Variants in DYNC1H1 observed in about 807,000 individuals in gnomAD.
The protein encoded by DYNC1H1 is dynein cytoplasmic 1 heavy chain 1.
A neutral mutation model predicts 527.1 loss-of-function variants in DYNC1H1; 51 were observed. That is an observed-to-expected ratio of 0.10 (90% confidence interval 0.08 to 0.12). The LOEUF (loss-of-function observed/expected upper bound fraction) is 0.12. Among genes scored for constraint, DYNC1H1 ranks in the 10% least tolerant of loss-of-function variants. The pLI is 1.00. For synonymous variants in DYNC1H1, 2,189 were observed against 2,278.8 expected (o/e 0.96, Z 1.12); for missense variants, 2,771 against 5,971.8 (o/e 0.46, Z 17.66).
At position 102,015,425 on chromosome 14, in the gene DYNC1H1, C is replaced by T. The variant is rs2152581681; in HGVS notation, c.7242+93C>T. On this transcript the variant is annotated intron_variant, in intron 35 of 77. Transcript: ENST00000360184. The surrounding 1 kb of genome is among the most constrained non-coding windows in gnomAD (Gnocchi z 6.9). ...GTGTTGCCCACGCTGGTCTTGAACTCCTGGGCCCAAGCAATCCACCTGCCT... is the reference window on the plus strand; with the variant it reads ...GTGTTGCCCACGCTGGTCTTGAACTTCTGGGCCCAAGCAATCCACCTGCCT... 1 of 1,416,164 alleles carries T rather than the reference C, an allele frequency of 7.1e-7. No individual in the cohort carries two copies. The highest frequency in any genetic ancestry group is 1.4e-5 in the South Asian group (1 of 72,634). 87.7% of individuals were successfully genotyped at this position (1,416,164 alleles called of 1,614,324 possible). A position where few individuals can be genotyped will look rare whatever the true frequency, so the allele number is the denominator to read the frequency against.
rs1186804390 is a variant in DYNC1H1, at chr14:102,039,450, G to A, written c.11499G>A (p.Leu3833=). Residue 3833 remains leucine, a synonymous_variant, in exon 61 of 78, where the codon CTG becomes CTA. Transcript: ENST00000360184. This position sits in a 1 kb window ranked among gnomAD's most constrained non-coding sequence, Gnocchi z 7.0. ...FLYQYSLQFF[L]DIYHNVLYEN... ...ACCAGTACTCCCTCCAGTTTTTCCT[G>A]GACATTTATCACAACGTCCTATACG... 1 of 1,614,224 alleles carries A rather than the reference G, an allele frequency of 6.2e-7. No homozygotes were observed. Among genetic ancestry groups the A allele is most frequent in the Non-Finnish European group, 8.5e-7 (1 of 1,180,050 alleles).
chr14:102,012,318 A>G lies in DYNC1H1; in HGVS notation c.6862A>G (p.Ile2288Val), dbSNP rs1567010983. The change falls in exon 34 of 78, where the codon ATC becomes GTC. Residue 2288 changes from isoleucine (I) to valine (V), a missense_variant. Ile to Val is a conservative substitution (Grantham distance 29). Around this residue, in one of 32 missense-constraint regions of DYNC1H1, gnomAD observed 56 missense variants for 183.8 expected, o/e 0.30. Transcript: ENST00000360184. The surrounding 1 kb of genome is among the most constrained non-coding windows in gnomAD (Gnocchi z 4.9). ...TTTAAAATCCTTCCCAACCAGGATC[A>G]TCGACAGCGTGAGAGGCGAGCTGCA... is the stretch of plus-strand genomic sequence containing the variant. ...GLFTHVLRKI[I>V]DSVRGELQKR... 1.2e-6 allele frequency: 2 copies of G among 1,614,232 alleles called. No homozygotes were observed. The highest frequency in any genetic ancestry group is 2.2e-5 in the South Asian group (2 of 91,084).
intron 34 of DYNC1H1, among the ~76,000 whole-genome samples, chr14:102,013,377 G>C (rs566654730): frequency 1.3e-5 from 2 of 152,228 alleles, no homozygotes; most frequent in African/African-American, 4.8e-5. Context: ...TCAGGTGTTG[G>C]TGGGGGTTGG....
rs561339487 is a variant in DYNC1H1 at position 102,012,360 on chromosome 14, G to A, written c.6904G>A (p.Val2302Ile). The stretch of plus-strand genomic sequence containing the variant: ...CGAGCTGCAGAAGCGCCAGTGGATC[G>A]TCTTCGATGGCGATGTGGATCCAGA... ...RGELQKRQWI[V>I]FDGDVDPEWV... The change falls in exon 34 of 78, where the codon GTC becomes ATC. Residue 2302 changes from valine to isoleucine, a missense_variant. Around this residue, in one of 32 missense-constraint regions of DYNC1H1, gnomAD observed 56 missense variants for 183.8 expected, o/e 0.30. Transcript: ENST00000360184. The surrounding 1 kb of genome is among the most constrained non-coding windows in gnomAD (Gnocchi z 4.9). 385 of 1,614,216 alleles carry A rather than the reference G, an allele frequency of 2.4e-4. 4 individuals carry two copies. In the South Asian group the frequency reaches 3.8e-3, roughly 16 times the overall value.
chr14:101,984,621 T>G (rs532897140), intron 7 of DYNC1H1, among the ~76,000 whole-genome samples: 1 of 150,832 alleles, frequency 6.6e-6, no homozygotes, highest in South Asian at 2.1e-4. Flanking sequence ...CAGCTAATTT[T>G]TGTATTTTTA....
chr14:101,999,839 A>C (rs934583668), intron 16 of DYNC1H1, 150 bp from the exon 17 acceptor site: 102 of 1,059,290 alleles, frequency 9.6e-5, no homozygotes, highest in Non-Finnish European at 1.3e-4. Context: ...TCCAAAGTGG[A>C]CATCTTGTTG....
chr14:102,039,311 C>A lies in DYNC1H1; in HGVS notation c.11460+57C>A. 6.2e-7 allele frequency: 1 copy of A among 1,611,606 alleles called. No individual in the cohort carries two copies. Among genetic ancestry groups the A allele is most frequent in the Non-Finnish European group, 8.5e-7 (1 of 1,179,926 alleles). ...GCCCCGCACAGTAGCTCCTTGGCCG[C>A]ACAGAGGCTGGCGGGCCCTGCACAG... is the stretch of plus-strand genomic sequence containing the variant. On this transcript the variant is annotated intron_variant, in intron 60 of 77. Coordinates refer to ENST00000360184, the MANE Select transcript of DYNC1H1 (RefSeq NM_001376.5). The surrounding 1 kb of genome is among the most constrained non-coding windows in gnomAD (Gnocchi z 7.0).
In DYNC1H1 at chr14:102,002,773, GT is replaced by G; in HGVS notation, c.4710-15del. The G allele has an allele frequency of 6.2e-7, 1 of 1,614,268 alleles. No individual in the cohort carries two copies. The highest frequency in any genetic ancestry group is 8.5e-7 in the Non-Finnish European group (1 of 1,180,046). On this transcript the variant is annotated intron_variant, in intron 22 of 77. Coordinates refer to ENST00000360184, the MANE Select transcript of DYNC1H1 (RefSeq NM_001376.5). This position sits in a 1 kb window ranked among gnomAD's most constrained non-coding sequence, Gnocchi z 4.4. ...CTACTCTACACAAAGGCTGACGCAT[GT>G]TTTAATTTCATTTGTAGCATCAGCA...
Position 102,000,137 on chromosome 14 carries a change from G to C in DYNC1H1, c.3953G>C (p.Arg1318Pro). ...GGGCTTCTCAGTGGCAGTGAAGAGC[G>C]CGTGCAGGTATGAACCACTGGGGAG... is the stretch of plus-strand genomic sequence containing the variant. ...DTGLLSGSEE[R>P]VQVALEELQD... is the part of the protein sequence containing the mutation. Residue 1318 changes from arginine to proline, a missense_variant, in exon 17 of 78, where the codon CGC becomes CCC. Around this residue, in one of 32 missense-constraint regions of DYNC1H1, gnomAD observed 223 missense variants for 462.5 expected, o/e 0.48. Coordinates refer to ENST00000360184, the MANE Select transcript of DYNC1H1 (RefSeq NM_001376.5). 1 of 1,614,218 alleles carries C rather than the reference G, an allele frequency of 6.2e-7. No homozygotes were observed. The highest frequency in any genetic ancestry group is 8.5e-7 in the Non-Finnish European group (1 of 1,180,040).
chr14:101,994,155 T>G (rs1202893703), intron 11 of DYNC1H1, 29 bp from the exon 12 acceptor site: 1 of 1,614,204 alleles, frequency 6.2e-7, no homozygotes, highest in Non-Finnish European at 8.5e-7. Flanking sequence ...TATACACTGC[T>G]TGCATTCATT....
chr14:101,995,773 A>C (rs960941301), intron 15 of DYNC1H1, among the ~76,000 whole-genome samples: 1 of 152,064 alleles, frequency 6.6e-6, no homozygotes, highest in African/African-American at 2.4e-5. Flanking sequence ...GTTAAAACTT[A>C]GTGTAGGCCA....
chr14:102,034,086 C>T lies in DYNC1H1; in HGVS notation c.10524C>T (p.Leu3508=), dbSNP rs931807854. The T allele has an allele frequency of 1.9e-6, 3 of 1,614,186 alleles. No individual in the cohort carries two copies. Among genetic ancestry groups the T allele is most frequent in the Admixed American group, 3.3e-5 (2 of 60,024 alleles). ...TGTCCACCATTGCTGGGGACTGTCT[C>T]TTGTCAGCTGCGTTCATTGCCTACG... The part of the protein sequence containing the change: ...NQMSTIAGDC[L]LSAAFIAYAG... The change falls in exon 55 of 78, where the codon CTC becomes CTT. Residue 3508 remains leucine (L), a synonymous_variant. Coordinates refer to ENST00000360184, the MANE Select transcript of DYNC1H1 (RefSeq NM_001376.5).
Position 101,997,002 on chromosome 14 carries a change from G to T in DYNC1H1, c.3565-33G>T. The T allele has an allele frequency of 1.3e-6, 2 of 1,597,028 alleles. No homozygotes were observed. The highest frequency in any genetic ancestry group is 1.7e-6 in the Non-Finnish European group (2 of 1,171,056). On this transcript the variant is annotated intron_variant, in intron 15 of 77. Transcript: ENST00000360184. The surrounding 1 kb of genome is among the most constrained non-coding windows in gnomAD (Gnocchi z 4.8). The stretch of plus-strand genomic sequence containing the variant: ...AATAATTTCTATCATTGTTATAGAA[G>T]AAAAAACTTGATTTATTTTTTAACT...
In DYNC1H1 at chr14:102,032,306, G is replaced by A. The variant is rs2048518250; in HGVS notation, c.9918G>A (p.Glu3306=). ...CGATCAAGAAGCAGCACCTGGTGGAGGTGAGGTCCATGGCCAACCCTCCTG... is the reference window on the plus strand; with the variant it reads ...CGATCAAGAAGCAGCACCTGGTGGAAGTGAGGTCCATGGCCAACCCTCCTG... ...VKSIKKQHLV[E]VRSMANPPAA... Residue 3306 remains glutamate, a synonymous_variant, in exon 52 of 78, where the codon GAG becomes GAA. Transcript: ENST00000360184. 2 of 1,614,158 alleles carry A rather than the reference G, an allele frequency of 1.2e-6. No individual in the cohort carries two copies. Among genetic ancestry groups the A allele is most frequent in the East Asian group, 4.5e-5 (2 of 44,880 alleles).
Position 102,033,857 on chromosome 14 carries a change from T to C in DYNC1H1, c.10414-119T>C. 9.3e-7 allele frequency: 1 copy of C among 1,074,768 alleles called. No homozygotes were observed. Among genetic ancestry groups the C allele is most frequent in the Non-Finnish European group, 1.4e-6 (1 of 721,692 alleles). The allele number at this position is 1,074,768 out of a possible 1,614,324, so 66.6% of individuals were successfully genotyped here. The stretch of plus-strand genomic sequence containing the variant: ...ATCTCCTCTGGGACTGTGAACAACT[T>C]GGGCACGTTTCTAACCCACCCAAAA... On this transcript the variant is annotated intron_variant, in intron 54 of 77. Transcript: ENST00000360184. This position sits in a 1 kb window ranked among gnomAD's most constrained non-coding sequence, Gnocchi z 5.6.
chr14:102,009,792 T>C lies in DYNC1H1; in HGVS notation c.5978-51T>C, dbSNP rs986452232. 2.5e-6 allele frequency: 4 copies of C among 1,609,078 alleles called. No homozygotes were observed. The African/African-American group carries it at 4.0e-5, about 16-fold the overall frequency. ...TTTAGAGACATTTTAGAATGCATTT[T>C]GTTTTTTTTTTTTAACATTTCTAGT... On this transcript the variant is annotated intron_variant, in intron 29 of 77. Transcript: ENST00000360184.
rs892446766 is a variant in DYNC1H1, at chr14:102,016,529, T to G, written c.7614+40T>G. ...ACCACCCGTGTTTCTGATTCTCGCC[T>G]TGTTGATTTAACTCATCCTGGAACA... On this transcript the variant is annotated intron_variant, in intron 37 of 77. Coordinates refer to ENST00000360184, the MANE Select transcript of DYNC1H1 (RefSeq NM_001376.5). This position sits in a 1 kb window ranked among gnomAD's most constrained non-coding sequence, Gnocchi z 7.3. 6.2e-7 allele frequency: 1 copy of G among 1,614,020 alleles called. No individual in the cohort carries two copies. The highest frequency in any genetic ancestry group is 1.3e-5 in the African/African-American group (1 of 74,946).
Position 102,001,757 on chromosome 14 carries a change from G to A in DYNC1H1, c.4542+76G>A. The A allele has an allele frequency of 6.9e-6, 11 of 1,593,306 alleles. No individual in the cohort carries two copies. In the South Asian group the frequency reaches 8.9e-5, roughly 13 times the overall value. ...TCACTGTAATGCCTTTTCACTGACA[G>A]TTACTAGGTACCTGTTTTTTATTGT... On this transcript the variant is annotated intron_variant, in intron 21 of 77. Transcript: ENST00000360184. The surrounding 1 kb of genome is among the most constrained non-coding windows in gnomAD (Gnocchi z 5.0).
chr14:102,040,097 G>C (rs1010014739), intron 62 of DYNC1H1, 139 bp from the exon 63 acceptor site: 1 of 1,186,636 alleles, frequency 8.4e-7, no homozygotes, highest in South Asian at 1.2e-5. Context: ...CGCCCACCTC[G>C]GCCTCCCAGA....
Sources: allele counts gnomAD v4.1 joint callset (sites outside exome capture counted in the v4.1 genomes callset), GRCh38; gene constraint gnomAD v4.1.1; regional missense constraint gnomAD v4.1.1; non-coding constraint Gnocchi (gnomAD v3.1); transcripts MANE v1.5; gene names NCBI Gene and HGNC (gene_info 2026-07-23, HGNC 2026-07-21).